SLCO3A1: variants seen among roughly 807,000 people sequenced by gnomAD.
SLCO3A1 encodes solute carrier organic anion transporter family member 3A1.
A neutral mutation model predicts 63.1 loss-of-function variants in SLCO3A1; 27 were observed. That is an observed-to-expected ratio of 0.43 (90% CI 0.32 to 0.59). SLCO3A1 has a LOEUF of 0.59. Ranked by LOEUF, SLCO3A1 falls within the 20% of genes least tolerant of loss-of-function variation. SLCO3A1 has a pLI of 0.09. For synonymous variants in SLCO3A1, 473 were observed against 409.9 expected (o/e 1.15, Z -1.86); for missense variants, 773 against 945.8 (o/e 0.82, Z 2.40).
intron 3 of SLCO3A1, among the ~76,000 whole-genome samples, chr15:92,102,299 A>G (rs1305578223): frequency 7.2e-5 from 11 of 152,194 alleles, no homozygotes; most frequent in African/African-American, 2.7e-4. Context: ...GATGCTTTCA[A>G]GATCACCTTG....
intron 5 of SLCO3A1, among the ~76,000 whole-genome samples, chr15:92,123,443 T>C (rs1347814510): frequency 6.6e-6 from 1 of 151,872 alleles, no homozygotes; most frequent in Non-Finnish European, 1.5e-5. Flanking sequence ...AAATAAAATG[T>C]AAAACCCTAT....
At chr15:92,034,175 G>C (rs2046693987) in intron 2 of SLCO3A1, among the ~76,000 whole-genome samples, 1 of 151,528 alleles carries the variant, frequency 6.6e-6, no homozygotes, top group Non-Finnish European at 1.5e-5. Flanking sequence ...ATCCAGGAGA[G>C]GGATCCTGGA....
rs1243983481 is a variant in SLCO3A1 at position 92,011,392 on chromosome 15, T to C, written c.647-83489T>C. 2.6e-5 allele frequency among the ~76,000 whole-genome samples: 4 copies of C among 152,232 alleles called. No homozygotes were observed. In the East Asian group the frequency reaches 7.7e-4, roughly 29 times the overall value. ...ATGCTATTTTGAGATTACAATGCCTTATTGTTGACTGTAGTCACCTTACTG... is the reference window on the plus strand; with the variant it reads ...ATGCTATTTTGAGATTACAATGCCTCATTGTTGACTGTAGTCACCTTACTG... On this transcript the variant is annotated intron_variant, in intron 2 of 9. Transcript: ENST00000318445.
intron 9 of SLCO3A1, among the ~76,000 whole-genome samples, chr15:92,160,833 TCCC>T (rs2048427819): frequency 6.6e-6 from 1 of 152,146 alleles, no homozygotes; most frequent in South Asian, 2.1e-4. Context: ...CTTCCCTCTC[TCCC>T]CAACTGCCTT....
intron 2 of SLCO3A1, among the ~76,000 whole-genome samples, chr15:92,037,035 G>A (rs1207142528): frequency 6.6e-6 from 1 of 152,156 alleles, no homozygotes; most frequent in Non-Finnish European, 1.5e-5. Context: ...TGAGTATACA[G>A]AAGCGAATAA....
chr15:91,977,617 T>C (rs1236546307), intron 2 of SLCO3A1, among the ~76,000 whole-genome samples: 2 of 152,060 alleles, frequency 1.3e-5, no homozygotes, highest in Admixed American at 1.3e-4. Context: ...TGTGGGGACA[T>C]TGGGAGGTGG....
At position 91,916,484 on chromosome 15, in the gene SLCO3A1, C is replaced by T. The variant is rs187554290; in HGVS notation, c.646+26C>T. 9.6e-5 allele frequency: 147 copies of T among 1,524,422 alleles called. No individual in the cohort carries two copies. In the East Asian group the frequency reaches 2.3e-3, roughly 24 times the overall value. 94.4% of individuals were successfully genotyped at this position (1,524,422 alleles called of 1,614,324 possible). On this transcript the variant is annotated intron_variant, in intron 2 of 9. Coordinates refer to ENST00000318445, the MANE Select transcript of SLCO3A1 (RefSeq NM_013272.4). This position sits in a 1 kb window ranked among gnomAD's most constrained non-coding sequence, Gnocchi z 6.2. ...GTAGGAGCTGCCCCAGCCGTATTAG[C>T]AAGAGACCAGGGTGTGTTGACCATG... is the stretch of plus-strand genomic sequence containing the variant.
intron 2 of SLCO3A1, among the ~76,000 whole-genome samples, chr15:92,015,821 C>T (rs971451935): frequency 4.6e-5 from 7 of 151,956 alleles, no homozygotes; most frequent in East Asian, 1.9e-4. Context: ...CAGGAAGGCC[C>T]GAGCTTATAG....
Position 92,164,960 on chromosome 15 carries a change from C to A in SLCO3A1, c.*1825C>A. On this transcript the variant is annotated 3_prime_UTR_variant, in exon 10 of 10. Coordinates refer to ENST00000318445, the MANE Select transcript of SLCO3A1 (RefSeq NM_013272.4). ...CACATTCCTGGCGCTGGAAAAAAAA[C>A]TCAAAGGTTGATTGGTTTGCTTTTT... 1.0e-6 allele frequency: 1 copy of A among 967,674 alleles called. No homozygotes were observed. The highest frequency in any genetic ancestry group is 1.2e-6 in the Non-Finnish European group (1 of 823,238). 59.9% of individuals were successfully genotyped at this position (967,674 alleles called of 1,614,324 possible). A position where few individuals can be genotyped will look rare whatever the true frequency, so the allele number is the denominator to read the frequency against.
intron 1 of SLCO3A1, among the ~76,000 whole-genome samples, chr15:91,904,186 G>A (rs752632911): frequency 3.3e-5 from 5 of 152,178 alleles, no homozygotes; most frequent in African/African-American, 4.8e-5. Flanking sequence ...TATCATGCAC[G>A]GATGTTCACC....
At chr15:92,100,639 T>G (rs538325914) in intron 3 of SLCO3A1, among the ~76,000 whole-genome samples, 1 of 152,250 alleles carries the variant, frequency 6.6e-6, no homozygotes, top group Non-Finnish European at 1.5e-5. Flanking sequence ...CCTCCCTACT[T>G]TTATCTAAAA....
intron 2 of SLCO3A1, among the ~76,000 whole-genome samples, chr15:92,048,584 AATGTCTCCAGAT>A (rs2046918644): frequency 6.6e-6 from 1 of 152,020 alleles, no homozygotes; most frequent in Non-Finnish European, 1.5e-5. Context: ...AACCACCAAA[AATGTCTCCAGAT>A]ATGTCACATG....
chr15:91,951,496 T>C (rs1899997294), intron 2 of SLCO3A1, among the ~76,000 whole-genome samples: 1 of 152,182 alleles, frequency 6.6e-6, no homozygotes, highest in African/African-American at 2.4e-5. Flanking sequence ...TTGGCTAATA[T>C]GAATAAGGCT....
At chr15:91,985,758 A>G (rs1010947811) in intron 2 of SLCO3A1, among the ~76,000 whole-genome samples, 4 of 152,132 alleles carry the variant, frequency 2.6e-5, no homozygotes, top group African/African-American at 9.7e-5. Flanking sequence ...GTTGCTTGCA[A>G]AGGGCCACAG....
At chr15:91,929,643 C>T (rs972324499) in intron 2 of SLCO3A1, among the ~76,000 whole-genome samples, 7 of 152,142 alleles carry the variant, frequency 4.6e-5, no homozygotes, top group African/African-American at 1.7e-4. Flanking sequence ...CAACAGATGT[C>T]CAGAACATTT....
At chr15:92,168,609 A>G (rs565998136), downstream of SLCO3A1, among the ~76,000 whole-genome samples, 117 of 152,324 alleles carry the variant, frequency 7.7e-4, no homozygotes, top group African/African-American at 2.8e-3. Flanking sequence ...GCGGCTGAGC[A>G]TAGGTGAGGC....
In SLCO3A1 at chr15:92,126,092, T is replaced by C. The variant is rs199660170; in HGVS notation, c.1206T>C (p.Gly402=). ...CTGCGATCCCGTGTGCTTGTCTGGG[T>C]ATCTTCCTGGGAGGTCTTTTGGTGA... is the stretch of plus-strand genomic sequence containing the variant. ...GMTAIPCACL[G]IFLGGLLVKK... is the part of the protein sequence containing the mutation. Residue 402 remains glycine, a synonymous_variant, in exon 6 of 10, where the codon GGT becomes GGC. Coordinates refer to ENST00000318445, the MANE Select transcript of SLCO3A1 (RefSeq NM_013272.4). The C allele has an allele frequency of 2.5e-6, 4 of 1,613,744 alleles. No homozygotes were observed. The East Asian group carries it at 8.9e-5, about 36-fold the overall frequency.
At chr15:92,113,408 A>G (rs1018198632) in intron 4 of SLCO3A1, among the ~76,000 whole-genome samples, 8 of 152,172 alleles carry the variant, frequency 5.3e-5, no homozygotes, top group Non-Finnish European at 8.8e-5. Flanking sequence ...TATCCCCGCC[A>G]GCCCGCACCC....
chr15:91,983,450 C>G (rs1014798810), intron 2 of SLCO3A1, among the ~76,000 whole-genome samples: 6 of 152,162 alleles, frequency 3.9e-5, no homozygotes, highest in Admixed American at 3.9e-4. Flanking sequence ...TGGAGGGTGT[C>G]TGGCCCTACC....
Sources: gnomAD v4.1 joint callset for allele counts (sites outside exome capture counted in the v4.1 genomes callset) on GRCh38, gnomAD v4.1.1 for gene constraint, Gnocchi (gnomAD v3.1) non-coding constraint, MANE v1.5 for transcripts, NCBI Gene and HGNC (gene_info 2026-07-23, HGNC 2026-07-21) for gene names.